PPP1R16B: variants seen among roughly 807,000 people sequenced by gnomAD.
PPP1R16B encodes the protein protein phosphatase 1 regulatory subunit 16B.
PPP1R16B carries 14 observed loss-of-function variants against 61.7 expected under a neutral mutation model. The observed-to-expected ratio is 0.23, with a 90% CI of 0.15 to 0.35. PPP1R16B has a LOEUF of 0.35. Ranked by LOEUF, PPP1R16B falls within the 10% of genes least tolerant of loss-of-function variation. The pLI is 1.00. For synonymous variants in PPP1R16B, 266 were observed against 305.3 expected (o/e 0.87, Z 1.34); for missense variants, 547 against 752.5 (o/e 0.73, Z 3.19).
intron 2 of PPP1R16B, among the ~76,000 whole-genome samples, chr20:38,859,456 C>T (rs1036481251): frequency 1.3e-5 from 2 of 152,186 alleles, no homozygotes; most frequent in African/African-American, 4.8e-5. Context: ...TAGATCAGAG[C>T]TGTCCAATAG....
chr20:38,856,821 C>G (rs118151823), intron 2 of PPP1R16B, among the ~76,000 whole-genome samples: 1 of 152,232 alleles, frequency 6.6e-6, no homozygotes, highest in Non-Finnish European at 1.5e-5. Flanking sequence ...CCAGGACTGT[C>G]TGACTTCAGA....
At chr20:38,828,686 C>A (rs1403740815) in intron 1 of PPP1R16B, among the ~76,000 whole-genome samples, 1 of 152,196 alleles carries the variant, frequency 6.6e-6, no homozygotes, top group Non-Finnish European at 1.5e-5. Flanking sequence ...GAGAGAGCTT[C>A]TGATTGGGCC....
chr20:38,806,935 C>G lies in PPP1R16B; in HGVS notation c.-102+1143C>G, dbSNP rs2084666249. ...ATCAGCGCTTCTAGGAACCGAAAAC[C>G]GAGCTGCCTGCGCGCCCATGTGATT... On this transcript the variant is annotated intron_variant, in intron 1 of 10. Transcript: ENST00000299824. The surrounding 1 kb of genome is among the most constrained non-coding windows in gnomAD (Gnocchi z 4.5). Among the ~76,000 whole-genome samples, 1 of 152,192 alleles carries G rather than the reference C, an allele frequency of 6.6e-6. No homozygotes were observed. Among genetic ancestry groups the G allele is most frequent in the African/African-American group, 2.4e-5 (1 of 41,474 alleles).
intron 1 of PPP1R16B, among the ~76,000 whole-genome samples, chr20:38,811,578 T>C (rs538058799): frequency 6.6e-6 from 1 of 152,378 alleles, no homozygotes; most frequent in African/African-American, 2.4e-5. Context: ...TTCTCTGCAG[T>C]ACTTATAATT....
At chr20:38,841,676 T>C (rs2084910210) in intron 2 of PPP1R16B, among the ~76,000 whole-genome samples, 1 of 152,242 alleles carries the variant, frequency 6.6e-6, no homozygotes, top group Admixed American at 6.5e-5. Context: ...CATGGAATCA[T>C]ACAGTATATG....
intron 4 of PPP1R16B, among the ~76,000 whole-genome samples, chr20:38,900,344 G>A (rs1032283435): frequency 6.6e-6 from 1 of 152,182 alleles, no homozygotes; most frequent in African/African-American, 2.4e-5. Flanking sequence ...GGTCTTCTGG[G>A]ATAGCTGTCC....
chr20:38,911,683 C>T (rs1004121345), intron 10 of PPP1R16B, among the ~76,000 whole-genome samples: 5 of 151,632 alleles, frequency 3.3e-5, no homozygotes, highest in Non-Finnish European at 2.9e-5. Context: ...ATTACAGGTG[C>T]GTGCCACCAC....
chr20:38,905,958 C>A lies in PPP1R16B; in HGVS notation c.697-11C>A. ...CCCCTGAGGAATGCTCACTTCTTTC[C>A]TCTCCTCCAGCTGCACATAGCTGGA... is the stretch of plus-strand genomic sequence containing the variant. On this transcript the variant is annotated splice_polypyrimidine_tract_variant and intron_variant, in intron 6 of 10. Coordinates refer to ENST00000299824, the MANE Select transcript of PPP1R16B (RefSeq NM_015568.4). The A allele has an allele frequency of 6.2e-7, 1 of 1,611,134 alleles. No individual in the cohort carries two copies. The highest frequency in any genetic ancestry group is 8.5e-7 in the Non-Finnish European group (1 of 1,178,728).
At chr20:38,906,293 T>G (rs867144999) in intron 7 of PPP1R16B, among the ~76,000 whole-genome samples, 199 bp downstream of exon 7, 1,473 of 124,404 alleles carry the variant, frequency 0.012, 7 homozygotes, top group Non-Finnish European at 0.014. Context: ...GTTTTTTTTT[T>G]TTTTTTTTTT....
chr20:38,871,039 G>A (rs960009096), intron 2 of PPP1R16B, among the ~76,000 whole-genome samples: 2 of 152,140 alleles, frequency 1.3e-5, no homozygotes, highest in Admixed American at 6.5e-5. Flanking sequence ...TCCCTGACCC[G>A]TGTGTACCCT....
At chr20:38,817,905 G>T (rs73621973) in intron 1 of PPP1R16B, among the ~76,000 whole-genome samples, 4 of 152,154 alleles carry the variant, frequency 2.6e-5, no homozygotes, top group South Asian at 2.1e-4. Context: ...TTAGCCGGGC[G>T]TGGTGGCGGG....
At chr20:38,864,706 G>A (rs1021649091) in intron 2 of PPP1R16B, among the ~76,000 whole-genome samples, 1 of 152,132 alleles carries the variant, frequency 6.6e-6, no homozygotes, top group African/African-American at 2.4e-5. Context: ...AAAGACCACC[G>A]GAGTCCCCCA....
intron 1 of PPP1R16B, among the ~76,000 whole-genome samples, chr20:38,816,573 G>A (rs749517368): frequency 1.3e-5 from 2 of 152,184 alleles, no homozygotes; most frequent in African/African-American, 4.8e-5. Context: ...CGACCCACCT[G>A]GGGGGAACCA....
In PPP1R16B at chr20:38,855,943, T is replaced by TAGAG. The variant is rs1293814608; in HGVS notation, c.250+19804_250+19807dup. Among the ~76,000 whole-genome samples, 31 of 15,056 alleles carry TAGAG rather than the reference T, an allele frequency of 2.1e-3. 2 individuals carry two copies. Among genetic ancestry groups the TAGAG allele is most frequent in the African/African-American group, 4.0e-3 (9 of 2,256 alleles). 9.9% of individuals were successfully genotyped at this position (15,056 alleles called of 152,430 possible). The stretch of plus-strand genomic sequence containing the variant: ...ATATATATATATATATATATATATA[T>TAGAG]AGAGAGAGAGAGAGAGAGAGAGAGA... On this transcript the variant is annotated intron_variant, in intron 2 of 10. Transcript: ENST00000299824.
In PPP1R16B at chr20:38,896,204, T is replaced by A. The variant is rs183271154; in HGVS notation, c.467+494T>A. 9.4e-3 allele frequency among the ~76,000 whole-genome samples: 1,224 copies of A among 129,692 alleles called. 28 individuals are homozygous for A. Among genetic ancestry groups the A allele is most frequent in the African/African-American group, 0.035 (1,166 of 33,002 alleles). 85.1% of individuals were successfully genotyped at this position (129,692 alleles called of 152,430 possible). On this transcript the variant is annotated intron_variant, in intron 4 of 10. Transcript: ENST00000299824. ...TTCCCTCCCTTCCTTCTTTCTTCCC[T>A]CCCTCTCTCCCTCCCTTTCTTTTCC...
intron 10 of PPP1R16B, among the ~76,000 whole-genome samples, chr20:38,909,016 T>C (rs1288192812): frequency 6.6e-6 from 1 of 152,164 alleles, no homozygotes; most frequent in Non-Finnish European, 1.5e-5. Flanking sequence ...TATTGGTTTT[T>C]TTTGAGACAG....
chr20:38,857,452 C>G (rs2085016012), intron 2 of PPP1R16B, among the ~76,000 whole-genome samples: 1 of 152,126 alleles, frequency 6.6e-6, no homozygotes, highest in Non-Finnish European at 1.5e-5. Flanking sequence ...GACATGGTCC[C>G]TCATTTAATA....
chr20:38,859,900 T>C (rs2085035893), intron 2 of PPP1R16B, among the ~76,000 whole-genome samples: 1 of 152,236 alleles, frequency 6.6e-6, no homozygotes, highest in Admixed American at 6.5e-5. Context: ...CAAAATGTCA[T>C]TTCAGCATGC....
chr20:38,906,112 G>C lies in PPP1R16B; in HGVS notation c.822+18G>C. The C allele has an allele frequency of 2.5e-6, 4 of 1,609,142 alleles. No individual in the cohort carries two copies. The highest frequency in any genetic ancestry group is 2.5e-6 in the Non-Finnish European group (3 of 1,178,836). ...GGGGACAGGTAGTTCTCACCCACAGGGCTGTGGGGGAGGCCGGCACAGGGC... is the reference window on the plus strand; with the variant it reads ...GGGGACAGGTAGTTCTCACCCACAGCGCTGTGGGGGAGGCCGGCACAGGGC... On this transcript the variant is annotated intron_variant, in intron 7 of 10. Coordinates refer to ENST00000299824, the MANE Select transcript of PPP1R16B (RefSeq NM_015568.4).
Sources: gnomAD v4.1 joint callset for allele counts (sites outside exome capture counted in the v4.1 genomes callset) on GRCh38, gnomAD v4.1.1 for gene constraint, Gnocchi (gnomAD v3.1) non-coding constraint, MANE v1.5 for transcripts, NCBI Gene and HGNC (gene_info 2026-07-23, HGNC 2026-07-21) for gene names.